Variants in LARGE1 observed in about 807,000 individuals in gnomAD.
LARGE1 encodes LARGE xylosyl- and glucuronyltransferase 1, also known as xylosyl- and glucuronyltransferase LARGE1.
Under a neutral mutation model 87.6 loss-of-function variants are expected in LARGE1, and 43 were observed. The ratio of observed to expected loss-of-function variants is 0.49; its 90% CI spans 0.38 to 0.63. The LOEUF (loss-of-function observed/expected upper bound fraction) is 0.63. Among genes scored for constraint, LARGE1 ranks in the 30% least tolerant of loss-of-function variants. The pLI is 0.00. For missense variants in LARGE1, 802 were observed against 1,000.2 expected (o/e 0.80, Z 2.67); for synonymous variants, 434 against 394.6 (o/e 1.10, Z -1.18).
intron 11 of LARGE1, among the ~76,000 whole-genome samples, chr22:33,179,900 A>C (rs1037418125): frequency 6.6e-6 from 1 of 151,802 alleles, no homozygotes; most frequent in African/African-American, 2.4e-5. Flanking sequence ...TGACAGTATT[A>C]AGAGGTGGGG....
chr22:33,719,333 A>G (rs1021109098), intron 2 of LARGE1, among the ~76,000 whole-genome samples: 5 of 152,162 alleles, frequency 3.3e-5, no homozygotes, highest in African/African-American at 9.7e-5. Flanking sequence ...AATTTAGTGT[A>G]GCATAAGTGC....
At chr22:33,327,608 T>A (rs1233043126) in intron 10 of LARGE1, among the ~76,000 whole-genome samples, 3 of 152,012 alleles carry the variant, frequency 2.0e-5, no homozygotes, top group African/African-American at 4.8e-5. Flanking sequence ...CAGGCTAGAG[T>A]GTGGTGGTGC....
At chr22:33,644,113 G>C (rs956603742) in intron 3 of LARGE1, among the ~76,000 whole-genome samples, 1 of 152,124 alleles carries the variant, frequency 6.6e-6, no homozygotes. Flanking sequence ...AACAAAAAAA[G>C]AAAATTTCAG....
chr22:33,556,446 C>T (rs2148726678), intron 6 of LARGE1, among the ~76,000 whole-genome samples: 1 of 150,790 alleles, frequency 6.6e-6, no homozygotes, highest in East Asian at 2.0e-4. Flanking sequence ...GGCCAAGAGC[C>T]TCAGAAGGTA....
chr22:33,386,463 G>A (rs914487585), intron 7 of LARGE1, among the ~76,000 whole-genome samples: 10 of 148,578 alleles, frequency 6.7e-5, no homozygotes, highest in African/African-American at 2.4e-4. Flanking sequence ...GCCCTGCACA[G>A]CTCAGAAAAC....
In LARGE1 at chr22:33,669,517, G is replaced by A. The variant is rs546593824; in HGVS notation, c.107-18849C>T. On this transcript the variant is annotated intron_variant, in intron 2 of 14. Transcript: ENST00000397394. ...GCCACCTGAGTTCTTTTGGTCTGGA[G>A]GAGGAAATGCACATCCCTCTTCCTT... Among the ~76,000 whole-genome samples, 13 of 152,280 alleles carry A rather than the reference G, an allele frequency of 8.5e-5. No individual in the cohort carries two copies. In the East Asian group the frequency reaches 2.5e-3, roughly 29 times the overall value.
chr22:33,173,117 G>A (rs1364768175), intron 11 of LARGE1, among the ~76,000 whole-genome samples: 1 of 152,122 alleles, frequency 6.6e-6, no homozygotes, highest in Non-Finnish European at 1.5e-5. Context: ...GAGAAAGGTC[G>A]GGTTGCCCAC....
At chr22:33,335,033 T>G (rs997983301) in intron 10 of LARGE1, among the ~76,000 whole-genome samples, 1 of 152,226 alleles carries the variant, frequency 6.6e-6, no homozygotes, top group Admixed American at 6.5e-5. Context: ...AGCAGCAGCA[T>G]GGCATGGGAA....
chr22:33,649,552 T>C (rs755513813), intron 3 of LARGE1, among the ~76,000 whole-genome samples: 5 of 152,220 alleles, frequency 3.3e-5, no homozygotes, highest in Non-Finnish European at 5.9e-5. Flanking sequence ...GCAGGTATTA[T>C]TTCCTAAAGT....
intron 1 of LARGE1, among the ~76,000 whole-genome samples, chr22:33,854,588 G>A (rs1244847247): frequency 2.0e-5 from 3 of 151,844 alleles, no homozygotes; most frequent in African/African-American, 7.3e-5. Flanking sequence ...GTAAAAATAA[G>A]ACATTATGAA....
intron 9 of LARGE1, among the ~76,000 whole-genome samples, chr22:33,366,162 A>C (rs1311455196): frequency 1.3e-5 from 2 of 152,198 alleles, no homozygotes; most frequent in African/African-American, 2.4e-5. Context: ...GATCCACTTA[A>C]ATTTTTTCCA....
At chr22:33,207,455 T>G (rs1317408791) in intron 11 of LARGE1, among the ~76,000 whole-genome samples, 1 of 152,168 alleles carries the variant, frequency 6.6e-6, no homozygotes, top group Non-Finnish European at 1.5e-5. Flanking sequence ...TCCAAATATC[T>G]ATTCCCCTTC....
At chr22:33,736,162 C>A (rs1469929438) in intron 2 of LARGE1, among the ~76,000 whole-genome samples, 1 of 152,168 alleles carries the variant, frequency 6.6e-6, no homozygotes, top group Non-Finnish European at 1.5e-5. Context: ...ATACCTGGAG[C>A]GGAATTGCTG....
chr22:33,237,234 C>T (rs1006448463), intron 11 of LARGE1, among the ~76,000 whole-genome samples: 16 of 152,014 alleles, frequency 1.1e-4, no homozygotes, highest in Admixed American at 9.2e-4. Flanking sequence ...ATGACTTTGC[C>T]GTGCATAAGT....
chr22:33,437,795 TG>T (rs2067324905), intron 6 of LARGE1, among the ~76,000 whole-genome samples: 1 of 152,052 alleles, frequency 6.6e-6, no homozygotes, highest in Non-Finnish European at 1.5e-5. Context: ...GTTCTTGCCC[TG>T]GGGGCAGCTA....
chr22:33,100,666 A>C, the LARGE1 span, among the ~76,000 whole-genome samples: 1 of 152,158 alleles, frequency 6.6e-6, no homozygotes, highest in Non-Finnish European at 1.5e-5. Context: ...CATTAGGTGC[A>C]GAATGATTCA....
At chr22:33,658,450 TC>T (rs973886784) in intron 2 of LARGE1, among the ~76,000 whole-genome samples, 5 of 152,222 alleles carry the variant, frequency 3.3e-5, no homozygotes, top group African/African-American at 1.2e-4. Context: ...CCCTGCCAAC[TC>T]CCCAACAGGC....
At chr22:33,845,559 C>T (rs1032797513) in intron 1 of LARGE1, among the ~76,000 whole-genome samples, 2 of 152,258 alleles carry the variant, frequency 1.3e-5, no homozygotes, top group South Asian at 4.2e-4. Flanking sequence ...CTACCCGCCT[C>T]AGCCTCCCAA....
At chr22:33,412,876 G>A (rs549059799) in intron 7 of LARGE1, among the ~76,000 whole-genome samples, 48 of 152,210 alleles carry the variant, frequency 3.2e-4, no homozygotes, top group Non-Finnish European at 5.3e-4. Flanking sequence ...GGCCAGGCTG[G>A]TCTCGATATC....
Sources: gnomAD v4.1 joint callset for allele counts (sites outside exome capture counted in the v4.1 genomes callset) on GRCh38, gnomAD v4.1.1 for gene constraint, MANE v1.5 for transcripts, NCBI Gene and HGNC (gene_info 2026-07-23, HGNC 2026-07-21) for gene names.